The following MMP26 variants were observed in gnomAD, a reference collection of about 807,000 sequenced individuals.
The protein encoded by MMP26 is matrix metalloproteinase-26.
MMP26 carries 33 observed loss-of-function variants against 31.0 expected under a neutral mutation model. The observed-to-expected ratio is 1.06, with a 90% CI of 0.81 to 1.42. The LOEUF (loss-of-function observed/expected upper bound fraction) is 1.42, where lower values mean the gene tolerates loss of function less well. MMP26 is among the 40% of genes most tolerant of loss of function. The probability of loss-of-function intolerance (pLI) is 0.00; values close to 1 mark genes in which losing one functional copy is unlikely to be tolerated. For synonymous variants in MMP26, 122 were observed against 114.9 expected, an observed-to-expected ratio of 1.06 and a Z score of -0.40; for missense variants, 347 against 316.1, an observed-to-expected ratio of 1.10 and a Z score of -0.74.
chr11:4,986,800 A>G (rs1015933805), intron 2 of MMP26, among the ~76,000 whole-genome samples: 1 of 142,366 alleles, frequency 7.0e-6, no homozygotes, highest in Non-Finnish European at 1.5e-5. Context: ...CCCAAAGTGC[A>G]GGGATTACAG....
chr11:4,908,427 T>A, intron 2 of MMP26: 1 of 829,018 alleles, frequency 1.2e-6, no homozygotes, highest in Non-Finnish European at 2.0e-6. Context: ...AAAAGCTATG[T>A]AGTGCAGAAT....
At chr11:4,860,507 G>A (rs1485695267) in intron 2 of MMP26, 1 of 470,896 alleles carries the variant, frequency 2.1e-6, no homozygotes, top group South Asian at 1.5e-5. Context: ...GGCGTTCCTG[G>A]GATACCTGTC....
chr11:4,839,512 T>C lies in MMP26; in HGVS notation c.-145+72171T>C, dbSNP rs771006959. On this transcript the variant is annotated intron_variant, in intron 2 of 7. Coordinates refer to ENST00000380390, the MANE Select transcript of MMP26 (RefSeq NM_021801.5). ...GCAGGCCAGCTCAGCTGCAGCAGAA[T>C]AGAGCGCCAGTCAGAGTCCTGAGGC... is the stretch of plus-strand genomic sequence containing the variant. Among the ~76,000 whole-genome samples, 7 of 151,560 alleles carry C rather than the reference T, an allele frequency of 4.6e-5. 1 individual carries two copies. The highest frequency in any genetic ancestry group is 1.0e-4 in the Non-Finnish European group (7 of 67,914).
chr11:4,808,525 T>C (rs1849308250), intron 2 of MMP26, among the ~76,000 whole-genome samples: 1 of 152,042 alleles, frequency 6.6e-6, no homozygotes, highest in Non-Finnish European at 1.5e-5. Context: ...CCATGAGCCT[T>C]AATGGAGAAC....
At chr11:4,883,007 G>A in intron 2 of MMP26, 1 of 700,530 alleles carries the variant, frequency 1.4e-6, no homozygotes, top group Non-Finnish European at 2.4e-6. Flanking sequence ...GAAGAAGACA[G>A]TAATTTTCCC....
intron 2 of MMP26, among the ~76,000 whole-genome samples, chr11:4,836,579 G>A (rs1388903209): frequency 2.1e-5 from 3 of 145,992 alleles, no homozygotes; most frequent in African/African-American, 7.5e-5. Context: ...AAACTTAGAA[G>A]TAAAAACTAT....
intron 2 of MMP26, among the ~76,000 whole-genome samples, chr11:4,902,086 G>A (rs1012955557): frequency 2.0e-5 from 3 of 152,052 alleles, no homozygotes; most frequent in Non-Finnish European, 2.9e-5. Context: ...GACCCTTTTC[G>A]TTACACACAC....
chr11:4,744,185 T>C (rs938548550), intron 1 of MMP26, among the ~76,000 whole-genome samples: 2 of 152,200 alleles, frequency 1.3e-5, no homozygotes, highest in African/African-American at 4.8e-5. Context: ...CAACTAGGTT[T>C]CACACTGACC....
chr11:4,723,714 A>T (rs573026322), intron 1 of MMP26: 1 of 1,046,310 alleles, frequency 9.6e-7, no homozygotes, highest in African/African-American at 1.6e-5. Flanking sequence ...CCTGGCCCAG[A>T]GTGTCCAGTT....
At chr11:4,813,007 G>A (rs1385848207) in intron 2 of MMP26, among the ~76,000 whole-genome samples, 17 of 144,810 alleles carry the variant, frequency 1.2e-4, no homozygotes, top group African/African-American at 4.9e-4. Flanking sequence ...GAGTGTGTGT[G>A]TGTGTATGTA....
At chr11:4,750,280 G>T (rs902621779) in intron 1 of MMP26, among the ~76,000 whole-genome samples, 1 of 152,126 alleles carries the variant, frequency 6.6e-6, no homozygotes, top group Non-Finnish European at 1.5e-5. Flanking sequence ...ACAGATGTTT[G>T]TGAGGATGTG....
chr11:4,769,059 G>A (rs139690464), intron 2 of MMP26: 40 of 1,556,206 alleles, frequency 2.6e-5, no homozygotes, highest in South Asian at 3.7e-5. Flanking sequence ...TTGAGCACAG[G>A]GGGTAAAAGC....
intron 2 of MMP26, among the ~76,000 whole-genome samples, chr11:4,940,582 T>C (rs1846192833): frequency 6.6e-6 from 1 of 152,214 alleles, no homozygotes; most frequent in Non-Finnish European, 1.5e-5. Context: ...TCTTTTATGC[T>C]TGTAGGCACT....
At chr11:4,848,520 T>A in intron 2 of MMP26, 2 of 1,613,498 alleles carry the variant, frequency 1.2e-6, no homozygotes, top group Non-Finnish European at 1.7e-6. Flanking sequence ...TTGCAACACC[T>A]TGCCAATCAG....
At chr11:4,981,043 T>C (rs1846806082) in intron 2 of MMP26, among the ~76,000 whole-genome samples, 1 of 152,092 alleles carries the variant, frequency 6.6e-6, no homozygotes, top group African/African-American at 2.4e-5. Context: ...ATTAGTTAAG[T>C]AGCTGAATGT....
At chr11:4,940,814 A>G (rs1423540508) in intron 2 of MMP26, among the ~76,000 whole-genome samples, 4 of 152,106 alleles carry the variant, frequency 2.6e-5, no homozygotes, top group African/African-American at 9.7e-5. Context: ...ACCTTGGTTC[A>G]TTTTCCCCTA....
chr11:4,831,021 T>G (rs567718659), intron 2 of MMP26, among the ~76,000 whole-genome samples: 1 of 152,298 alleles, frequency 6.6e-6, no homozygotes, highest in African/African-American at 2.4e-5. Flanking sequence ...ACACTAAGCC[T>G]GCCTCATAGC....
intron 2 of MMP26, among the ~76,000 whole-genome samples, chr11:4,886,200 A>T (rs1358623503): frequency 6.6e-6 from 1 of 152,098 alleles, no homozygotes; most frequent in Non-Finnish European, 1.5e-5. Context: ...AATATAAATT[A>T]TTAAATTTAG....
At position 4,732,557 on chromosome 11, in the gene MMP26, A is replaced by G. The variant is rs905471784; in HGVS notation, c.-217+27512A>G. 1.3e-4 allele frequency among the ~76,000 whole-genome samples: 19 copies of G among 151,444 alleles called. No individual in the cohort carries two copies. In the East Asian group the frequency reaches 1.5e-3, roughly 12 times the overall value. Reference sequence around the variant, plus strand: ...GACTCGTCTCAAAAAAAAAAAAAAAAAAAAGAAAATTTTCATGAACCCCAA... The same window carrying G: ...GACTCGTCTCAAAAAAAAAAAAAAAGAAAAGAAAATTTTCATGAACCCCAA... On this transcript the variant is annotated intron_variant, in intron 1 of 7. Coordinates refer to ENST00000380390, the MANE Select transcript of MMP26 (RefSeq NM_021801.5).
Sources: gnomAD v4.1 joint callset for allele counts (sites outside exome capture counted in the v4.1 genomes callset) on GRCh38, gnomAD v4.1.1 for gene constraint, MANE v1.5 for transcripts, NCBI Gene and HGNC (gene_info 2026-07-23, HGNC 2026-07-21) for gene names.